FAM185A: variants seen among roughly 807,000 people sequenced by gnomAD.
FAM185A encodes the protein family with sequence similarity 185 member A.
Under a neutral mutation model 45.7 loss-of-function variants are expected in FAM185A, and 21 were observed. The observed-to-expected ratio is 0.46, with a 90% CI of 0.33 to 0.66. FAM185A has a LOEUF of 0.66. Ranked by LOEUF, FAM185A falls within the 30% of genes least tolerant of loss-of-function variation. The pLI is 0.03. For synonymous variants in FAM185A, 117 were observed against 194.0 expected (o/e 0.60, Z 3.30); for missense variants, 305 against 485.4 (o/e 0.63, Z 3.49).
chr7:102,813,506 T>C (rs1797587751), downstream of FAM185A: 2 of 1,613,928 alleles, frequency 1.2e-6, no homozygotes, highest in Non-Finnish European at 1.7e-6. Context: ...TGCTGAACTT[T>C]AGATGACATT....
At chr7:102,782,621 G>C (rs1795481716) in intron 6 of FAM185A, among the ~76,000 whole-genome samples, 1 of 152,140 alleles carries the variant, frequency 6.6e-6, no homozygotes, top group South Asian at 2.1e-4. Context: ...GTCACCAACA[G>C]GCCGCCCCTA....
the FAM185A span, among the ~76,000 whole-genome samples, chr7:102,838,933 A>C: frequency 6.6e-6 from 1 of 152,226 alleles, no homozygotes; most frequent in African/African-American, 2.4e-5. Flanking sequence ...ACACCCGTGA[A>C]GGGTCTGTGC....
At chr7:102,825,027 G>C in the FAM185A span, among the ~76,000 whole-genome samples, 2 of 152,072 alleles carry the variant, frequency 1.3e-5, no homozygotes, top group Non-Finnish European at 2.9e-5. Flanking sequence ...AGTAGATGTA[G>C]TTTAGTTTAT....
At chr7:102,783,696 A>T (rs955523185) in intron 6 of FAM185A, among the ~76,000 whole-genome samples, 3 of 149,536 alleles carry the variant, frequency 2.0e-5, no homozygotes, top group Non-Finnish European at 4.4e-5. Flanking sequence ...GTGTAGAGGG[A>T]AATTTATAGC....
chr7:102,833,317 G>A, the FAM185A span, among the ~76,000 whole-genome samples: 1 of 152,150 alleles, frequency 6.6e-6, no homozygotes, highest in African/African-American at 2.4e-5. Context: ...AAGATTGACA[G>A]TGGAATGTAA....
intron 2 of FAM185A, among the ~76,000 whole-genome samples, chr7:102,752,745 ATTAGACTGGTG>A (rs1793447979): frequency 6.8e-6 from 1 of 146,472 alleles, no homozygotes; most frequent in East Asian, 2.0e-4. Flanking sequence ...TTTTTTAAAG[ATTAGACTGGTG>A]TTAGCTGTAA....
At chr7:102,756,143 G>T (rs999079468) in intron 2 of FAM185A, among the ~76,000 whole-genome samples, 8 of 151,556 alleles carry the variant, frequency 5.3e-5, no homozygotes, top group Admixed American at 6.6e-5. Flanking sequence ...TAAGAGACAG[G>T]GTCTTGATGT....
the FAM185A span, chr7:102,832,913 G>A: frequency 6.2e-7 from 1 of 1,614,202 alleles, no homozygotes; most frequent in Non-Finnish European, 8.5e-7. Context: ...AATCATATCT[G>A]ACAGCTGGGA....
chr7:102,780,334 T>A (rs1795327360), intron 6 of FAM185A, among the ~76,000 whole-genome samples: 1 of 152,066 alleles, frequency 6.6e-6, no homozygotes, highest in African/African-American at 2.4e-5. Context: ...TGTTGGTGAA[T>A]TTACACTGCA....
At chr7:102,751,378 A>C (rs2129431429) in intron 1 of FAM185A, among the ~76,000 whole-genome samples, 1 of 152,270 alleles carries the variant, frequency 6.6e-6, no homozygotes, top group African/African-American at 2.4e-5. Flanking sequence ...GATCATATAT[A>C]CTGGGGAAGA....
the FAM185A span, chr7:102,832,843 T>G: frequency 1.2e-6 from 2 of 1,614,174 alleles, no homozygotes; most frequent in Non-Finnish European, 1.7e-6. Context: ...CACATACCTT[T>G]GGACAGCCAG....
chr7:102,792,277 T>C (rs1379997859), intron 7 of FAM185A, among the ~76,000 whole-genome samples: 3 of 150,300 alleles, frequency 2.0e-5, no homozygotes, highest in African/African-American at 5.0e-5. Context: ...ACACGTATTA[T>C]GTGCTATTCT....
chr7:102,764,031 T>G (rs1794247013), intron 4 of FAM185A, among the ~76,000 whole-genome samples: 1 of 152,200 alleles, frequency 6.6e-6, no homozygotes, highest in Admixed American at 6.5e-5. Context: ...TGCAAAGAAC[T>G]CTTTTAGATG....
chr7:102,801,574 G>C (rs1796793164), intron 7 of FAM185A, among the ~76,000 whole-genome samples: 1 of 152,198 alleles, frequency 6.6e-6, no homozygotes, highest in Non-Finnish European at 1.5e-5. Flanking sequence ...CACCAAAGGT[G>C]AGCAGGAGTA....
intron 2 of FAM185A, among the ~76,000 whole-genome samples, chr7:102,757,073 TCACA>T: frequency 6.7e-6 from 1 of 149,940 alleles, no homozygotes; most frequent in African/African-American, 2.5e-5. Context: ...ATCAAGTCAC[TCACA>T]CACACACACA....
intron 7 of FAM185A, among the ~76,000 whole-genome samples, chr7:102,788,116 C>T (rs776135820): frequency 4.3e-4 from 65 of 152,090 alleles, no homozygotes; most frequent in Non-Finnish European, 8.1e-4. Flanking sequence ...AGGCATGCAC[C>T]ACCATGCCCG....
intron 4 of FAM185A, among the ~76,000 whole-genome samples, chr7:102,769,463 A>G (rs1794615536): frequency 6.6e-6 from 1 of 151,996 alleles, no homozygotes; most frequent in Non-Finnish European, 1.5e-5. Flanking sequence ...TTTTTACTGC[A>G]TTATTAAAGA....
At chr7:102,810,103 A>G (rs1416123470), downstream of FAM185A, among the ~76,000 whole-genome samples, 1 of 152,200 alleles carries the variant, frequency 6.6e-6, no homozygotes, top group South Asian at 2.1e-4. Context: ...TGCAGAACCA[A>G]TTAAACCTCG....
intron 3 of FAM185A, among the ~76,000 whole-genome samples, chr7:102,758,568 A>G (rs1164547861): frequency 6.6e-6 from 1 of 150,606 alleles, no homozygotes; most frequent in East Asian, 1.9e-4. Flanking sequence ...TAAAGGTATA[A>G]TTTTGGAATT....
Sources: gnomAD v4.1 joint callset for allele counts (sites outside exome capture counted in the v4.1 genomes callset) on GRCh38, gnomAD v4.1.1 for gene constraint, MANE v1.5 for transcripts, NCBI Gene and HGNC (gene_info 2026-07-23, HGNC 2026-07-21) for gene names.